Variants in AHCYL1 observed in about 807,000 individuals in gnomAD.
AHCYL1 encodes the protein S-adenosylhomocysteine hydrolase-like protein 1.
A neutral mutation model predicts 79.3 loss-of-function variants in AHCYL1; 20 were observed. The observed-to-expected ratio is 0.25, with a 90% CI of 0.18 to 0.37. The LOEUF (loss-of-function observed/expected upper bound fraction) is 0.37, where lower values mean the gene tolerates loss of function less well. Ranked by LOEUF, AHCYL1 falls within the 10% of genes least tolerant of loss-of-function variation. AHCYL1 has a pLI of 1.00. For missense variants in AHCYL1, 330 were observed against 673.6 expected, an observed-to-expected ratio of 0.49 and a Z score of 5.65; for synonymous variants, 223 against 242.2, an observed-to-expected ratio of 0.92 and a Z score of 0.74.
chr1:110,018,207 T>A (rs1434754293), intron 11 of AHCYL1, among the ~76,000 whole-genome samples, 166 bp from the exon 12 acceptor site: 2 of 152,174 alleles, frequency 1.3e-5, no homozygotes, highest in African/African-American at 2.4e-5. Context: ...TACTGCTTGA[T>A]CTGAAGACCA....
intron 6 of AHCYL1, 43 bp from the exon 7 acceptor site, chr1:110,015,382 T>C (rs762705532): frequency 1.3e-6 from 2 of 1,529,776 alleles, no homozygotes; most frequent in Non-Finnish European, 1.8e-6. Flanking sequence ...CCCCCAGCCC[T>C]AGCAGCCTGA....
chr1:110,012,348 C>T lies in AHCYL1; in HGVS notation c.377-14C>T. 3 of 1,612,004 alleles carry T rather than the reference C, an allele frequency of 1.9e-6. No individual in the cohort carries two copies. Among genetic ancestry groups the T allele is most frequent in the Non-Finnish European group, 2.5e-6 (3 of 1,178,872 alleles). On this transcript the variant is annotated splice_polypyrimidine_tract_variant and intron_variant, in intron 3 of 16. Transcript: ENST00000369799. ...CTAGTGCAGACCTAGCTCAAATCCT[C>T]TGTTCTTTCACAGACATGTCTGCTC... is the stretch of plus-strand genomic sequence containing the variant.
chr1:109,994,337 A>G (rs1452849845), intron 1 of AHCYL1, among the ~76,000 whole-genome samples: 1 of 152,184 alleles, frequency 6.6e-6, no homozygotes, highest in Non-Finnish European at 1.5e-5. Context: ...ATCTCGGCTC[A>G]CTGCAATCTC....
intron 1 of AHCYL1, among the ~76,000 whole-genome samples, chr1:110,006,670 G>GT (rs1410379137): frequency 6.6e-6 from 1 of 152,210 alleles, no homozygotes; most frequent in African/African-American, 2.4e-5. Flanking sequence ...AAGATAATCA[G>GT]TGGAGCTAGC....
chr1:110,000,385 A>C (rs553007583), intron 1 of AHCYL1, among the ~76,000 whole-genome samples: 1 of 152,326 alleles, frequency 6.6e-6, no homozygotes, highest in East Asian at 1.9e-4. Context: ...CTAGAATGGA[A>C]CATTTTGTTA....
rs1217843684 is a variant in AHCYL1, at chr1:110,017,883, A to T, written c.1053-63A>T. The T allele has an allele frequency of 2.6e-6, 4 of 1,524,868 alleles. No individual in the cohort carries two copies. In the East Asian group the frequency reaches 9.0e-5, roughly 34 times the overall value. The allele number at this position is 1,524,868 out of a possible 1,614,324, so 94.5% of individuals were successfully genotyped here. ...CTAGAAGGGGATCTTGTCTCATTTC[A>T]TGACCATCTTCCCTCCCACTGCCTT... On this transcript the variant is annotated intron_variant, in intron 10 of 16. Coordinates refer to ENST00000369799, the MANE Select transcript of AHCYL1 (RefSeq NM_006621.7).
chr1:109,995,204 G>C (rs112338667), intron 1 of AHCYL1, among the ~76,000 whole-genome samples: 7 of 152,182 alleles, frequency 4.6e-5, no homozygotes. Context: ...TCTCTACCTA[G>C]TTTATAATTA....
At chr1:110,020,078 C>G (rs1394137870) in intron 15 of AHCYL1, among the ~76,000 whole-genome samples, 1 of 152,156 alleles carries the variant, frequency 6.6e-6, no homozygotes, top group Admixed American at 6.5e-5. Flanking sequence ...ATCTCTAGTC[C>G]TTTGCCTTTC....
At chr1:109,996,383 C>T (rs775060998) in intron 1 of AHCYL1, among the ~76,000 whole-genome samples, 7 of 152,210 alleles carry the variant, frequency 4.6e-5, no homozygotes, top group African/African-American at 7.2e-5. Context: ...CCCATCTGCT[C>T]AGGGTGCAGC....
At chr1:109,998,552 AC>A (rs1650139058) in intron 1 of AHCYL1, among the ~76,000 whole-genome samples, 2 of 152,278 alleles carry the variant, frequency 1.3e-5, no homozygotes, top group Admixed American at 1.3e-4. Context: ...ATCTCACCTC[AC>A]TGCAACCTCC....
intron 1 of AHCYL1, among the ~76,000 whole-genome samples, chr1:109,987,156 A>G (rs1271708990): frequency 6.6e-6 from 1 of 152,190 alleles, no homozygotes; most frequent in East Asian, 1.9e-4. Flanking sequence ...CATGATGACT[A>G]ATTACCCTTT....
At position 110,017,476 on chromosome 1, in the gene AHCYL1, C is replaced by A; in HGVS notation, c.964-19C>A. On this transcript the variant is annotated intron_variant, in intron 9 of 16. Transcript: ENST00000369799. ...TGACTTAATGAACCTAACGACTTGA[C>A]CTTTCTTTTGTTCTGCAGGTAGGCA... is the stretch of plus-strand genomic sequence containing the variant. 1.2e-6 allele frequency: 2 copies of A among 1,612,914 alleles called. No individual in the cohort carries two copies. Among genetic ancestry groups the A allele is most frequent in the Non-Finnish European group, 1.7e-6 (2 of 1,179,146 alleles).
At chr1:109,990,908 T>C (rs1649724668) in intron 1 of AHCYL1, among the ~76,000 whole-genome samples, 1 of 152,238 alleles carries the variant, frequency 6.6e-6, no homozygotes, top group South Asian at 2.1e-4. Context: ...TTTATCATTT[T>C]AGGTATGTAC....
At position 110,012,532 on chromosome 1, in the gene AHCYL1, TTTTCC is replaced by T. The variant is rs891384718; in HGVS notation, c.477+77_477+81del. 2.9e-5 allele frequency: 37 copies of T among 1,286,560 alleles called. No individual in the cohort carries two copies. The African/African-American group carries it at 4.1e-4, about 14-fold the overall frequency. 79.7% of individuals were successfully genotyped at this position (1,286,560 alleles called of 1,614,324 possible). A position where few individuals can be genotyped will look rare whatever the true frequency, so the allele number is the denominator to read the frequency against. ...AAGAAATCAATTTTTTTTTTTTCAC[TTTTCC>T]TTTCCTAACTCGCCAACCTCCAAAT... is the stretch of plus-strand genomic sequence containing the variant. On this transcript the variant is annotated intron_variant, in intron 4 of 16. Coordinates refer to ENST00000369799, the MANE Select transcript of AHCYL1 (RefSeq NM_006621.7).
In AHCYL1 at chr1:110,011,095, G is replaced by A. The variant is rs546233438; in HGVS notation, c.233-119G>A. On this transcript the variant is annotated intron_variant, in intron 2 of 16. Coordinates refer to ENST00000369799, the MANE Select transcript of AHCYL1 (RefSeq NM_006621.7). Reference sequence around the variant, plus strand: ...GAGCAGAACTGAGAGCGTTGTAAAAGGTAGCTCCAATTAAGGGTGTTCCCT... The same window carrying A: ...GAGCAGAACTGAGAGCGTTGTAAAAAGTAGCTCCAATTAAGGGTGTTCCCT... 1.1e-4 allele frequency: 133 copies of A among 1,259,218 alleles called. 1 individual carries two copies. The South Asian group carries it at 1.9e-3, about 18-fold the overall frequency. 78.0% of individuals were successfully genotyped at this position (1,259,218 alleles called of 1,614,324 possible).
intron 12 of AHCYL1, 36 bp downstream of exon 12, chr1:110,018,503 T>C (rs779954031): frequency 9.9e-6 from 16 of 1,613,274 alleles, no homozygotes; most frequent in African/African-American, 1.3e-5. Flanking sequence ...GGCATTTCTC[T>C]ACTACCTTTC....
At chr1:110,000,216 T>C (rs939743004) in intron 1 of AHCYL1, among the ~76,000 whole-genome samples, 5 of 152,324 alleles carry the variant, frequency 3.3e-5, no homozygotes, top group Non-Finnish European at 7.3e-5. Flanking sequence ...AGTGGCCAAT[T>C]TGACCATACT....
intron 2 of AHCYL1, 77 bp downstream of exon 2, chr1:110,009,222 G>A (rs1650863626): frequency 1.5e-6 from 2 of 1,299,696 alleles, no homozygotes; most frequent in Non-Finnish European, 2.2e-6. Context: ...TTAGCAATCT[G>A]AAAATACCTC....
At chr1:110,018,878 C>G in intron 13 of AHCYL1, 173 bp from the exon 14 acceptor site, 1 of 735,584 alleles carries the variant, frequency 1.4e-6, no homozygotes, top group South Asian at 1.8e-5. Context: ...CTTTCAGACT[C>G]AGATGGATTT....
Sources: gnomAD v4.1 joint callset for allele counts (sites outside exome capture counted in the v4.1 genomes callset) on GRCh38, gnomAD v4.1.1 for gene constraint, MANE v1.5 for transcripts, NCBI Gene and HGNC (gene_info 2026-07-23, HGNC 2026-07-21) for gene names.